Variants in ST7 observed in about 807,000 individuals in gnomAD.
The protein encoded by ST7 is suppression of tumorigenicity 7.
A neutral mutation model predicts 78.7 loss-of-function variants in ST7; 28 were observed. The observed-to-expected ratio is 0.36, with a 90% CI of 0.26 to 0.49. The LOEUF is 0.49. Ranked by LOEUF, ST7 falls within the 20% of genes least tolerant of loss-of-function variation. The pLI, the probability that ST7 is intolerant of heterozygous loss-of-function variation, is 0.99. For missense variants in ST7, 418 were observed against 696.0 expected (o/e 0.60, Z 4.49); for synonymous variants, 247 against 249.6 (o/e 0.99, Z 0.10).
At chr7:117,047,416 A>G (rs1437779805) in intron 1 of ST7, among the ~76,000 whole-genome samples, 1 of 152,174 alleles carries the variant, frequency 6.6e-6, no homozygotes, top group Non-Finnish European at 1.5e-5. Flanking sequence ...AGAGCATTTG[A>G]TTGTAAGAAC....
chr7:117,031,794 ATATATGTGTGTATATATATGCATATATC>A (rs1796584854), intron 1 of ST7, among the ~76,000 whole-genome samples: 2 of 142,954 alleles, frequency 1.4e-5, no homozygotes, highest in African/African-American at 5.2e-5. Flanking sequence ...ATATATATGC[ATATATGTGTGTATATATATGCATATATC>A]TATATCTATA....
intron 1 of ST7, chr7:116,954,568 TA>T: frequency 6.6e-6 from 1 of 152,242 alleles, no homozygotes. Flanking sequence ...ACTGAGTCGT[TA>T]AAAAAACACC....
At chr7:116,988,559 T>C (rs1794282904) in intron 1 of ST7, among the ~76,000 whole-genome samples, 2 of 152,230 alleles carry the variant, frequency 1.3e-5, no homozygotes, top group Non-Finnish European at 2.9e-5. Context: ...ATTTTAATAA[T>C]ATTATGATCA....
chr7:116,977,934 A>G (rs959880999), intron 1 of ST7, among the ~76,000 whole-genome samples: 2 of 152,208 alleles, frequency 1.3e-5, no homozygotes, highest in Admixed American at 6.5e-5. Flanking sequence ...CTATACTGTT[A>G]TTTCTTAAAG....
Position 116,967,310 on chromosome 7 carries a change from T to A in ST7, c.151+13619T>A. ...ACATACCCGCAGTGGTGGTGGCCAT[T>A]AATGACCAATTCTGCCTTTGAGTGC... On this transcript the variant is annotated intron_variant, in intron 1 of 15. Transcript: ENST00000323984. 4 of 471,156 alleles carry A rather than the reference T, an allele frequency of 8.5e-6. 1 individual carries two copies. Among genetic ancestry groups the A allele is most frequent in the South Asian group, 6.2e-5 (4 of 64,570 alleles). The allele number at this position is 471,156 out of a possible 1,614,324, so 29.2% of individuals were successfully genotyped here.
At chr7:117,143,206 A>G (rs1450905511) in intron 9 of ST7, among the ~76,000 whole-genome samples, 2 of 152,140 alleles carry the variant, frequency 1.3e-5, no homozygotes, top group Non-Finnish European at 2.9e-5. Flanking sequence ...TTCCTTTGAA[A>G]GTAGACTCTG....
chr7:117,177,918 A>G (rs1808462226), intron 10 of ST7, among the ~76,000 whole-genome samples: 1 of 152,198 alleles, frequency 6.6e-6, no homozygotes, highest in Admixed American at 6.5e-5. Context: ...TAATCACATA[A>G]TGGGACAGTA....
chr7:117,131,601 T>G (rs1382701942), intron 5 of ST7, among the ~76,000 whole-genome samples: 2 of 151,868 alleles, frequency 1.3e-5, no homozygotes, highest in African/African-American at 4.8e-5. Flanking sequence ...ACAAATGACA[T>G]TAATGTGCAA....
chr7:117,088,591 A>G (rs1364099513), intron 1 of ST7, among the ~76,000 whole-genome samples: 1 of 152,218 alleles, frequency 6.6e-6, no homozygotes, highest in Non-Finnish European at 1.5e-5. Context: ...TAAGTAACGA[A>G]TTGCCGTATT....
chr7:117,008,298 T>G (rs897887463), intron 1 of ST7, among the ~76,000 whole-genome samples: 1 of 152,246 alleles, frequency 6.6e-6, no homozygotes, highest in African/African-American at 2.4e-5. Flanking sequence ...CCAAATTAAT[T>G]AACTGTGCAG....
chr7:117,092,323 CA>C (rs544352014), intron 1 of ST7, among the ~76,000 whole-genome samples: 2,103 of 100,580 alleles, frequency 0.021, 32 homozygotes, highest in East Asian at 0.057. Context: ...GAATACCAGC[CA>C]AAAAAAAAAA....
intron 13 of ST7, among the ~76,000 whole-genome samples, chr7:117,213,795 C>T (rs946599696): frequency 6.6e-6 from 1 of 152,124 alleles, no homozygotes; most frequent in Non-Finnish European, 1.5e-5. Context: ...TTTTAATTTA[C>T]AAGATTTTAT....
At chr7:117,087,922 T>C (rs1326860373) in intron 1 of ST7, among the ~76,000 whole-genome samples, 3 of 152,240 alleles carry the variant, frequency 2.0e-5, no homozygotes, top group Non-Finnish European at 4.4e-5. Context: ...ACCCCATTGC[T>C]ACCAGATGTG....
At chr7:117,147,832 G>C (rs149006901) in intron 9 of ST7, among the ~76,000 whole-genome samples, 5 of 151,716 alleles carry the variant, frequency 3.3e-5, no homozygotes, top group Admixed American at 3.3e-4. Context: ...ATTTTACCCT[G>C]TATAGTATGT....
intron 14 of ST7, among the ~76,000 whole-genome samples, chr7:117,221,624 A>G (rs1173347727): frequency 6.6e-6 from 1 of 152,132 alleles, no homozygotes; most frequent in African/African-American, 2.4e-5. Context: ...AGAAAAAAAT[A>G]CTATACATTA....
At chr7:117,156,608 G>A (rs534707292) in intron 9 of ST7, among the ~76,000 whole-genome samples, 1 of 152,258 alleles carries the variant, frequency 6.6e-6, no homozygotes, top group South Asian at 2.1e-4. Flanking sequence ...ATAGAGAAGA[G>A]GGAAGATTAA....
chr7:117,115,440 C>T lies in ST7; in HGVS notation c.235-4121C>T, dbSNP rs192170263. The stretch of plus-strand genomic sequence containing the variant: ...CGCGATCTCAGCTCATTGCAACTTC[C>T]GTCTCCCAGGTTCAAGCAATTCTGC... On this transcript the variant is annotated intron_variant, in intron 2 of 15. Coordinates refer to ENST00000323984, the MANE Select transcript of ST7 (RefSeq NM_001369598.1). 5.9e-5 allele frequency among the ~76,000 whole-genome samples: 9 copies of T among 151,358 alleles called. No homozygotes were observed. In the South Asian group the frequency reaches 8.4e-4, roughly 14 times the overall value.
chr7:117,185,344 G>A (rs182568572), intron 10 of ST7, among the ~76,000 whole-genome samples: 23 of 152,232 alleles, frequency 1.5e-4, no homozygotes, highest in African/African-American at 5.3e-4. Context: ...CTTGCTTCAG[G>A]CAATTTGTAG....
intron 12 of ST7, 133 bp from the exon 13 acceptor site, chr7:117,209,654 G>A (rs1792124448): frequency 1.0e-6 from 1 of 1,003,308 alleles, no homozygotes; most frequent in Non-Finnish European, 1.4e-6. Flanking sequence ...GCCTTCAAAT[G>A]TAGTAATGAG....
Sources: gnomAD v4.1 joint callset for allele counts (sites outside exome capture counted in the v4.1 genomes callset) on GRCh38, gnomAD v4.1.1 for gene constraint, MANE v1.5 for transcripts, NCBI Gene and HGNC (gene_info 2026-07-23, HGNC 2026-07-21) for gene names.